RAPGEF6: variants seen among roughly 807,000 people sequenced by gnomAD.
RAPGEF6 encodes PDZ domain containing guanine nucleotide exchange factor (GEF) 2.
In RAPGEF6, 56 loss-of-function variants were observed where a neutral mutation model predicts 171.4. The observed-to-expected ratio is 0.33, with a 90% CI of 0.26 to 0.41. RAPGEF6 has a LOEUF of 0.41. RAPGEF6 is among the 10% of genes least tolerant of loss of function. RAPGEF6 has a pLI of 1.00. For synonymous variants in RAPGEF6, 692 were observed against 650.1 expected, an observed-to-expected ratio of 1.06 and a Z score of -0.98; for missense variants, 1,674 against 1,921.4, an observed-to-expected ratio of 0.87 and a Z score of 2.41.
At chr5:131,609,054 C>T (rs565695028) in intron 1 of RAPGEF6, among the ~76,000 whole-genome samples, 1 of 152,196 alleles carries the variant, frequency 6.6e-6, no homozygotes, top group Non-Finnish European at 1.5e-5. Context: ...TCCCAAAGTG[C>T]TGAGATTACA....
At chr5:131,508,798 A>G (rs1757526848) in intron 8 of RAPGEF6, among the ~76,000 whole-genome samples, 1 of 152,212 alleles carries the variant, frequency 6.6e-6, no homozygotes, top group Non-Finnish European at 1.5e-5. Context: ...AGAGATTAAG[A>G]ATAACTATAA....
chr5:131,517,772 C>T (rs1005724019), intron 7 of RAPGEF6, among the ~76,000 whole-genome samples: 26 of 91,934 alleles, frequency 2.8e-4, no homozygotes, highest in Non-Finnish European at 5.3e-4. Flanking sequence ...TGGAAACATT[C>T]GCGCATGTAC....
chr5:131,601,016 G>A (rs987324496), intron 3 of RAPGEF6, among the ~76,000 whole-genome samples: 8 of 149,862 alleles, frequency 5.3e-5, no homozygotes, highest in African/African-American at 2.0e-4. Flanking sequence ...TCGGGAGTCT[G>A]AAGCAGGAGG....
At chr5:131,485,737 T>G (rs1755841057) in intron 15 of RAPGEF6, among the ~76,000 whole-genome samples, 2 of 152,366 alleles carry the variant, frequency 1.3e-5, no homozygotes, top group South Asian at 4.1e-4. Context: ...CCAGGTTTAC[T>G]ATTAAGTTCA....
chr5:131,519,603 T>C (rs995304339), intron 7 of RAPGEF6, among the ~76,000 whole-genome samples: 4 of 152,192 alleles, frequency 2.6e-5, no homozygotes, highest in African/African-American at 9.6e-5. Context: ...GGTTTCACCA[T>C]GTTGGTCATG....
intron 3 of RAPGEF6, among the ~76,000 whole-genome samples, chr5:131,596,688 T>C (rs1436909800): frequency 6.6e-6 from 1 of 152,212 alleles, no homozygotes; most frequent in Non-Finnish European, 1.5e-5. Flanking sequence ...TATATCTCCT[T>C]GCAGAAGAAT....
intron 21 of RAPGEF6, among the ~76,000 whole-genome samples, chr5:131,448,699 A>G (rs1398173701): frequency 6.6e-6 from 1 of 152,214 alleles, no homozygotes; most frequent in African/African-American, 2.4e-5. Flanking sequence ...GAAAACAGAA[A>G]ATTGCTGATA....
At chr5:131,529,901 CTTTTTTT>C (rs1162181624) in intron 6 of RAPGEF6, among the ~76,000 whole-genome samples, 2 of 119,776 alleles carry the variant, frequency 1.7e-5, no homozygotes, top group African/African-American at 3.3e-5. Flanking sequence ...TTGTCTCCCT[CTTTTTTT>C]TTTTTTTTTT....
rs1374813181 is a variant in RAPGEF6, at chr5:131,574,255, C to T, written c.282-12208G>A. Among the ~76,000 whole-genome samples the T allele has an allele frequency of 3.3e-5, 5 of 152,254 alleles. No individual in the cohort carries two copies. The East Asian group carries it at 7.8e-4, about 24-fold the overall frequency. ...AGTCAGATTGTCCAATTCACATCGCCGCTGCTCCTAAAGCTCCTGGAGCTC... is the reference window on the plus strand; with the variant it reads ...AGTCAGATTGTCCAATTCACATCGCTGCTGCTCCTAAAGCTCCTGGAGCTC... On this transcript the variant is annotated intron_variant, in intron 4 of 27. Coordinates refer to ENST00000509018, the MANE Select transcript of RAPGEF6 (RefSeq NM_016340.6).
intron 19 of RAPGEF6, 46 bp from the exon 20 acceptor site, chr5:131,456,058 G>A (rs1400362390): frequency 2.7e-6 from 4 of 1,504,190 alleles, no homozygotes; most frequent in Non-Finnish European, 3.7e-6. Context: ...CTTGGGGAAA[G>A]GGGTGGACTC....
At chr5:131,507,167 AATATTAT>A (rs1757423108) in intron 9 of RAPGEF6, among the ~76,000 whole-genome samples, 1 of 89,256 alleles carries the variant, frequency 1.1e-5, no homozygotes, top group Admixed American at 1.3e-4. Context: ...TAATATATGT[AATATTAT>A]ATATTATATA....
At chr5:131,491,815 T>A (rs1756301540) in intron 14 of RAPGEF6, among the ~76,000 whole-genome samples, 1 of 152,154 alleles carries the variant, frequency 6.6e-6, no homozygotes, top group Non-Finnish European at 1.5e-5. Context: ...CCCTGGTCCG[T>A]GGAAAAACTG....
intron 4 of RAPGEF6, among the ~76,000 whole-genome samples, chr5:131,581,348 G>T (rs751685202): frequency 6.6e-6 from 1 of 152,150 alleles, no homozygotes; most frequent in Non-Finnish European, 1.5e-5. Context: ...CTCTCTAACT[G>T]AGTATCCTGG....
At chr5:131,615,164 T>C (rs937110116) in intron 1 of RAPGEF6, among the ~76,000 whole-genome samples, 8 of 152,344 alleles carry the variant, frequency 5.3e-5, no homozygotes, top group African/African-American at 1.9e-4. Context: ...GACCTATTAA[T>C]AGCGAAAGAC....
At chr5:131,428,758 T>G (rs1285996359) in intron 27 of RAPGEF6, 144 bp downstream of exon 27, 11 of 930,736 alleles carry the variant, frequency 1.2e-5, no homozygotes, top group Non-Finnish European at 1.6e-5. Flanking sequence ...CACTGCACCC[T>G]GCCGGCAGGA....
At position 131,464,127 on chromosome 5, in the gene RAPGEF6, A is replaced by C. The variant is rs760769541; in HGVS notation, c.2394T>G (p.Val798=). The C allele has an allele frequency of 6.2e-7, 1 of 1,613,952 alleles. No individual in the cohort carries two copies. Among genetic ancestry groups the C allele is most frequent in the Non-Finnish European group, 8.5e-7 (1 of 1,179,932 alleles). The part of the protein sequence containing the change: ...GASDTYSLCE[V]SVTPEGVIKQ... ...TTATGACACCCTCAGGAGTAACAGA[A>C]ACTTCACAGAGAGAATATGTGTCGG... The change falls in exon 18 of 28, where the codon GTT becomes GTG. Residue 798 remains valine, a synonymous_variant. Coordinates refer to ENST00000509018, the MANE Select transcript of RAPGEF6 (RefSeq NM_016340.6).
chr5:131,469,769 C>G, intron 17 of RAPGEF6: 1 of 1,434,914 alleles, frequency 7.0e-7, no homozygotes, highest in Non-Finnish European at 9.3e-7. Flanking sequence ...CAAACAAGGG[C>G]AATAGAATAC....
Position 131,425,548 on chromosome 5 carries a change from A to G in RAPGEF6, c.*1718T>C, listed in dbSNP as rs899271612. The G allele has an allele frequency of 2.6e-5, 4 of 152,362 alleles. No individual in the cohort carries two copies. The allele number at this position is 152,362 out of a possible 1,614,324, so 9.4% of individuals were successfully genotyped here. A position where few individuals can be genotyped will look rare whatever the true frequency, so the allele number is the denominator to read the frequency against. ...CTATGGAACCACCAAGCCTCATTCT[A>G]TCATACCTGCGATTAATTTCTAAGG... On this transcript the variant is annotated 3_prime_UTR_variant, in exon 28 of 28. Coordinates refer to ENST00000509018, the MANE Select transcript of RAPGEF6 (RefSeq NM_016340.6).
intron 4 of RAPGEF6, among the ~76,000 whole-genome samples, chr5:131,577,688 C>T (rs188100020): frequency 4.2e-4 from 64 of 152,246 alleles, no homozygotes; most frequent in Admixed American, 9.2e-4. Flanking sequence ...CCCTAACTGC[C>T]GTCCGCCTGC....
Sources: gnomAD v4.1 joint callset for allele counts (sites outside exome capture counted in the v4.1 genomes callset) on GRCh38, gnomAD v4.1.1 for gene constraint, MANE v1.5 for transcripts, NCBI Gene and HGNC (gene_info 2026-07-23, HGNC 2026-07-21) for gene names.